The following FGF12 variants were observed in gnomAD, a reference collection of about 807,000 sequenced individuals.
FGF12 encodes the protein fibroblast growth factor 12, also known as fibroblast growth factor 12B.
In FGF12, 14 loss-of-function variants were observed where a neutral mutation model predicts 23.6. The ratio of observed to expected loss-of-function variants is 0.59; its 90% CI spans 0.39 to 0.93. The LOEUF is 0.93. Ranked by LOEUF, FGF12 falls within the 40% of genes least tolerant of loss-of-function variation. FGF12 has a pLI of 0.00. For missense variants in FGF12, 175 were observed against 217.8 expected (o/e 0.80, Z 1.24); for synonymous variants, 62 against 77.3 (o/e 0.80, Z 1.04).
intron 2 of FGF12, among the ~76,000 whole-genome samples, chr3:192,673,834 G>C (rs1284647779): frequency 1.3e-5 from 2 of 151,044 alleles, no homozygotes; most frequent in Non-Finnish European, 3.0e-5. Context: ...ATTGTGAATA[G>C]TGCTGCATTA....
chr3:192,166,829 A>G (rs533824975), intron 5 of FGF12, among the ~76,000 whole-genome samples: 1 of 152,184 alleles, frequency 6.6e-6, no homozygotes, highest in South Asian at 2.1e-4. Flanking sequence ...AAACCAATTA[A>G]GTTTTTTTTT....
At chr3:192,357,629 T>A (rs1354098452) in intron 3 of FGF12, among the ~76,000 whole-genome samples, 1 of 152,156 alleles carries the variant, frequency 6.6e-6, no homozygotes, top group South Asian at 2.1e-4. Flanking sequence ...ATGCACCTAG[T>A]CATTCATCAT....
chr3:192,309,515 T>A (rs750464371), intron 4 of FGF12, among the ~76,000 whole-genome samples: 3 of 152,110 alleles, frequency 2.0e-5, no homozygotes, highest in Admixed American at 1.3e-4. Flanking sequence ...ATAATTCATT[T>A]CTGGAGACAA....
chr3:192,530,273 C>T (rs1470188946), intron 2 of FGF12, among the ~76,000 whole-genome samples: 1 of 152,122 alleles, frequency 6.6e-6, no homozygotes, highest in Non-Finnish European at 1.5e-5. Context: ...GAGACGACTG[C>T]TCCTTCTTTC....
chr3:192,377,444 T>C (rs933959325), intron 2 of FGF12, among the ~76,000 whole-genome samples: 1 of 152,234 alleles, frequency 6.6e-6, no homozygotes, highest in Non-Finnish European at 1.5e-5. Context: ...TTTTAATTTT[T>C]GTTGTTATAT....
At chr3:192,439,687 C>T (rs115620373) in intron 2 of FGF12, among the ~76,000 whole-genome samples, 13 of 152,128 alleles carry the variant, frequency 8.5e-5, no homozygotes, top group Non-Finnish European at 1.3e-4. Flanking sequence ...TGTATAAAAG[C>T]ATAACATGGC....
At chr3:192,565,413 T>C (rs1286292367) in intron 2 of FGF12, among the ~76,000 whole-genome samples, 1 of 152,226 alleles carries the variant, frequency 6.6e-6, no homozygotes, top group Non-Finnish European at 1.5e-5. Context: ...AGAAATAAAG[T>C]TACACATGGC....
chr3:192,632,436 C>CAA (rs765300171), intron 2 of FGF12, among the ~76,000 whole-genome samples: 1 of 152,132 alleles, frequency 6.6e-6, no homozygotes, highest in Non-Finnish European at 1.5e-5. Flanking sequence ...TAAAGACTTA[C>CAA]AAAATTTTGT....
chr3:192,497,138 C>G (rs1472592086), intron 2 of FGF12, among the ~76,000 whole-genome samples: 1 of 152,112 alleles, frequency 6.6e-6, no homozygotes, highest in African/African-American at 2.4e-5. Context: ...CACTTTATTC[C>G]TCCGCCCTCT....
At chr3:192,396,996 A>G (rs1036188318) in intron 2 of FGF12, among the ~76,000 whole-genome samples, 13 of 152,250 alleles carry the variant, frequency 8.5e-5, no homozygotes, top group Admixed American at 2.0e-4. Context: ...TAGTTCCATT[A>G]GCAAAATTAT....
chr3:192,354,799 TG>T (rs1718393001), intron 3 of FGF12, among the ~76,000 whole-genome samples: 1 of 152,162 alleles, frequency 6.6e-6, no homozygotes, highest in Non-Finnish European at 1.5e-5. Flanking sequence ...TCCACCTCCC[TG>T]GTTCAAGCAA....
At chr3:192,231,165 ATTC>A (rs1420660065) in intron 4 of FGF12, among the ~76,000 whole-genome samples, 4 of 152,160 alleles carry the variant, frequency 2.6e-5, no homozygotes, top group Non-Finnish European at 5.9e-5. Context: ...AGAGTTCCGA[ATTC>A]TTCTCTGTAT....
intron 4 of FGF12, among the ~76,000 whole-genome samples, chr3:192,325,120 C>A (rs1369396450): frequency 6.6e-6 from 1 of 152,128 alleles, no homozygotes. Flanking sequence ...AAAAATAACC[C>A]ATGTCACATG....
At chr3:192,492,952 TG>T (rs1448552632) in intron 2 of FGF12, among the ~76,000 whole-genome samples, 2 of 149,738 alleles carry the variant, frequency 1.3e-5, no homozygotes, top group Admixed American at 6.6e-5. Flanking sequence ...GGTTAATTTT[TG>T]TAATTTTTTT....
In FGF12 at chr3:192,653,720, C is replaced by CTTTTTTT. The variant is rs34906808; in HGVS notation, c.13+73454_13+73460dup. Among the ~76,000 whole-genome samples, 29 of 140,888 alleles carry CTTTTTTT rather than the reference C, an allele frequency of 2.1e-4. 2 individuals are homozygous for CTTTTTTT. Among genetic ancestry groups the CTTTTTTT allele is most frequent in the Non-Finnish European group, 2.7e-4 (18 of 65,474 alleles). The allele number at this position is 140,888 out of a possible 152,430, so 92.4% of individuals were successfully genotyped here. A position where few individuals can be genotyped will look rare whatever the true frequency, so the allele number is the denominator to read the frequency against. On this transcript the variant is annotated intron_variant, in intron 2 of 5. Coordinates refer to ENST00000445105, the MANE Select transcript of FGF12 (RefSeq NM_004113.6). ...TTCAATATATATTCCTCATTTGAGG[C>CTTTTTTT]TTTTTTTTTTTTGAGACGGAATCAT...
intron 3 of FGF12, among the ~76,000 whole-genome samples, chr3:192,354,436 A>G (rs1718373320): frequency 6.7e-6 from 1 of 149,064 alleles, no homozygotes; most frequent in Admixed American, 6.6e-5. Context: ...CATTTAAAAT[A>G]AACAAAAAAG....
In FGF12 at chr3:192,167,739, A is replaced by ATATATATG. The variant is rs1380132106; in HGVS notation, c.427+2718_427+2719insCATATATA. ...AGGAGGGTAGGTTATAGGTATATAT[A>ATATATATG]TATATATATATATATATATATATAT... On this transcript the variant is annotated intron_variant, in intron 5 of 5. Transcript: ENST00000445105. 3.9e-4 allele frequency among the ~76,000 whole-genome samples: 8 copies of ATATATATG among 20,294 alleles called. 1 individual carries two copies. Among genetic ancestry groups the ATATATATG allele is most frequent in the African/African-American group, 2.0e-3 (8 of 3,912 alleles). 13.3% of individuals were successfully genotyped at this position (20,294 alleles called of 152,430 possible).
At position 192,378,028 on chromosome 3, in the gene FGF12, T is replaced by TCTCTCTCTC. The variant is rs10685325; in HGVS notation, c.14-17491_14-17490insGAGAGAGAG. On this transcript the variant is annotated intron_variant, in intron 2 of 5. Transcript: ENST00000445105. ...GATCCCTTTCTTCTGACTCTTTCTT[T>TCTCTCTCTC]TCTTTCTTTCTTTCTTTCTTTCTTT... 3.7e-3 allele frequency among the ~76,000 whole-genome samples: 301 copies of TCTCTCTCTC among 81,646 alleles called. 19 individuals carry two copies. The highest frequency in any genetic ancestry group is 5.9e-3 in the African/African-American group (128 of 21,734). 53.6% of individuals were successfully genotyped at this position (81,646 alleles called of 152,430 possible).
rs368951795 is a variant in FGF12, at chr3:192,167,772, A to ATTTTT, written c.427+2681_427+2685dup. 1.6e-3 allele frequency among the ~76,000 whole-genome samples: 24 copies of ATTTTT among 15,394 alleles called. 1 individual carries two copies. The highest frequency in any genetic ancestry group is 4.9e-3 in the African/African-American group (22 of 4,468). 10.1% of individuals were successfully genotyped at this position (15,394 alleles called of 152,430 possible). ...ATATATATATATATATATATATAAA[A>ATTTTT]TTTTTTTTTTTTTTTTTTTTTGAGA... On this transcript the variant is annotated intron_variant, in intron 5 of 5. Coordinates refer to ENST00000445105, the MANE Select transcript of FGF12 (RefSeq NM_004113.6).
Sources: allele counts gnomAD v4.1 joint callset (sites outside exome capture counted in the v4.1 genomes callset), GRCh38; gene constraint gnomAD v4.1.1; transcripts MANE v1.5; gene names NCBI Gene and HGNC (gene_info 2026-07-23, HGNC 2026-07-21).